INVS: variants seen among roughly 807,000 people sequenced by gnomAD.
The protein encoded by INVS is inversion of embryo turning homolog.
In INVS, 86 loss-of-function variants were observed where a neutral mutation model predicts 108.8. The ratio of observed to expected loss-of-function variants is 0.79; its 90% CI spans 0.66 to 0.95. INVS has a LOEUF of 0.95. INVS is among the 40% of genes least tolerant of loss of function. INVS has a pLI of 0.00. For missense variants in INVS, 1,169 were observed against 1,297.4 expected (o/e 0.90, Z 1.52); for synonymous variants, 455 against 473.5 (o/e 0.96, Z 0.51).
chr9:100,260,246 G>A (rs1211301555), intron 10 of INVS, among the ~76,000 whole-genome samples: 8 of 138,438 alleles, frequency 5.8e-5, no homozygotes, highest in African/African-American at 2.2e-4. Flanking sequence ...CTGGAGTGCA[G>A]TGGCACAACC....
intron 16 of INVS, among the ~76,000 whole-genome samples, chr9:100,298,617 C>A (rs142765051): frequency 3.9e-5 from 5 of 126,654 alleles, no homozygotes; most frequent in African/African-American, 8.9e-5. Context: ...CACGCTCCCC[C>A]CTGCCTCCTC....
intron 2 of INVS, among the ~76,000 whole-genome samples, chr9:100,109,462 G>GT (rs1311385072): frequency 6.6e-6 from 1 of 152,140 alleles, no homozygotes; most frequent in South Asian, 2.1e-4. Flanking sequence ...AATATTGTGG[G>GT]TTTTTTGTGA....
At chr9:100,277,801 T>C (rs1833155008) in intron 12 of INVS, among the ~76,000 whole-genome samples, 2 of 152,224 alleles carry the variant, frequency 1.3e-5, no homozygotes, top group South Asian at 4.1e-4. Flanking sequence ...GAGATAAAAA[T>C]CTGACAAACC....
At chr9:100,258,289 T>C (rs1311760877) in intron 10 of INVS, among the ~76,000 whole-genome samples, 1 of 152,230 alleles carries the variant, frequency 6.6e-6, no homozygotes, top group East Asian at 1.9e-4. Flanking sequence ...CTTTTTATTC[T>C]AGTTAGCCAT....
rs1290723802 is a variant in INVS at position 100,100,635 on chromosome 9, ATATT to A, written c.-25+1220_-25+1223del. Among the ~76,000 whole-genome samples, 3 of 74,286 alleles carry A rather than the reference ATATT, an allele frequency of 4.0e-5. 1 individual carries two copies. Among genetic ancestry groups the A allele is most frequent in the African/African-American group, 1.4e-4 (2 of 13,950 alleles). The allele number at this position is 74,286 out of a possible 152,430, so 48.7% of individuals were successfully genotyped here. A position where few individuals can be genotyped will look rare whatever the true frequency, so the allele number is the denominator to read the frequency against. ...TATAATATATGTATATATAATATAT[ATATT>A]ATATATGTATATATAATATATATAT... On this transcript the variant is annotated intron_variant, in intron 1 of 16. Coordinates refer to ENST00000262457, the MANE Select transcript of INVS (RefSeq NM_014425.5).
At position 100,290,903 on chromosome 9, in the gene INVS, A is replaced by G. The variant is rs141421434; in HGVS notation, c.2069-1423A>G. 5.1e-3 allele frequency among the ~76,000 whole-genome samples: 775 copies of G among 152,002 alleles called. 7 individuals carry two copies. The highest frequency in any genetic ancestry group is 0.018 in the African/African-American group (726 of 41,458). ...TTGTTTTTTTGTTTTATTTTTAGAA[A>G]TGGGGTCTCACTATGTTGTCCCGGC... On this transcript the variant is annotated intron_variant, in intron 13 of 16. Coordinates refer to ENST00000262457, the MANE Select transcript of INVS (RefSeq NM_014425.5).
chr9:100,225,731 T>C lies in INVS; in HGVS notation c.274-331T>C, dbSNP rs184993825. Among the ~76,000 whole-genome samples, 537 of 149,164 alleles carry C rather than the reference T, an allele frequency of 3.6e-3. 5 individuals carry two copies. The highest frequency in any genetic ancestry group is 0.013 in the African/African-American group (512 of 38,898). On this transcript the variant is annotated intron_variant, in intron 3 of 16. Transcript: ENST00000262457. ...AAGAAAAAAAATGTGAAAAAAGATG[T>C]ACAGTGAAGCATTTACTACAAAAAA...
intron 3 of INVS, among the ~76,000 whole-genome samples, chr9:100,173,557 G>T (rs138537442): frequency 6.6e-6 from 1 of 151,924 alleles, no homozygotes; most frequent in Non-Finnish European, 1.5e-5. Context: ...GTGAAACCCC[G>T]TCTCTACTAA....
rs192213876 is a variant in INVS at position 100,273,219 on chromosome 9, T to G, written c.1784+143T>G. On this transcript the variant is annotated intron_variant, in intron 12 of 16. Transcript: ENST00000262457. ...GGTCCCTGCAACCGGTCATCTTCCC[T>G]CTTCTCAGCACTCCGTCTTCTGGAA... is the stretch of plus-strand genomic sequence containing the variant. 1,590 of 719,938 alleles carry G rather than the reference T, an allele frequency of 2.2e-3. 5 individuals are homozygous for G. Among genetic ancestry groups the G allele is most frequent in the Middle Eastern group, 4.4e-3 (12 of 2,752 alleles). The allele number at this position is 719,938 out of a possible 1,614,324, so 44.6% of individuals were successfully genotyped here. A position where few individuals can be genotyped will look rare whatever the true frequency, so the allele number is the denominator to read the frequency against.
chr9:100,174,242 G>A (rs1373112781), intron 3 of INVS, among the ~76,000 whole-genome samples: 1 of 152,126 alleles, frequency 6.6e-6, no homozygotes, highest in African/African-American at 2.4e-5. Flanking sequence ...TAAACAGATA[G>A]GATGTCTTGC....
Position 100,293,023 on chromosome 9 carries a change from C to A in INVS, c.2766C>A (p.Val922=), listed in dbSNP as rs1188698508. The A allele has an allele frequency of 6.2e-7, 1 of 1,613,928 alleles. No individual in the cohort carries two copies. The part of the protein sequence containing the change: ...LFRKKNKAAA[V]IQRAWRSYQL... ...GCAAAAAGAACAAGGCAGCAGCAGT[C>A]ATCCAGCGCGCCTGGCGAAGGTAGG... The change falls in exon 14 of 17, where the codon GTC becomes GTA. Residue 922 remains valine, a synonymous_variant. Transcript: ENST00000262457.
At chr9:100,169,457 C>G (rs1191012116) in intron 3 of INVS, among the ~76,000 whole-genome samples, 3 of 152,076 alleles carry the variant, frequency 2.0e-5, no homozygotes, top group African/African-American at 7.2e-5. Context: ...ACTACCTCTG[C>G]AAGGCCAAGT....
At chr9:100,299,675 C>T (rs1263107940) in intron 16 of INVS, among the ~76,000 whole-genome samples, 3 of 104,616 alleles carry the variant, frequency 2.9e-5, no homozygotes, top group African/African-American at 1.3e-4. Flanking sequence ...CACACACACA[C>T]ACACACCTGG....
chr9:100,279,599 AC>A (rs1430542396), intron 12 of INVS, among the ~76,000 whole-genome samples: 1 of 152,248 alleles, frequency 6.6e-6, no homozygotes. Flanking sequence ...TGAGAAAGTT[AC>A]AAATATTGAT....
intron 16 of INVS, among the ~76,000 whole-genome samples, chr9:100,299,635 GAC>G (rs10530240): frequency 0.077 from 10,089 of 131,490 alleles, 416 homozygotes; most frequent in Non-Finnish European, 0.089. Flanking sequence ...GCCTTTTATT[GAC>G]ACACACACAC....
chr9:100,256,130 G>A (rs1408277428), intron 10 of INVS, among the ~76,000 whole-genome samples: 1 of 152,066 alleles, frequency 6.6e-6, no homozygotes. Flanking sequence ...ACTTCTTCCT[G>A]GTTTAGTCTT....
chr9:100,256,035 A>G (rs777376249), intron 10 of INVS, among the ~76,000 whole-genome samples: 32 of 152,162 alleles, frequency 2.1e-4, no homozygotes, highest in African/African-American at 6.3e-4. Context: ...CTGTGAATCC[A>G]TCTGGTCCTG....
At chr9:100,246,897 T>C in intron 8 of INVS, 110 bp downstream of exon 8, 1 of 1,026,892 alleles carries the variant, frequency 9.7e-7, no homozygotes, top group Admixed American at 1.7e-5. Flanking sequence ...TAATCTAATA[T>C]TGTTTGACTT....
chr9:100,106,549 T>C (rs1827188758), intron 2 of INVS, among the ~76,000 whole-genome samples: 1 of 152,204 alleles, frequency 6.6e-6, no homozygotes, highest in Non-Finnish European at 1.5e-5. Context: ...TATTTCATTC[T>C]CATAATATTG....
Sources: allele counts gnomAD v4.1 joint callset (sites outside exome capture counted in the v4.1 genomes callset), GRCh38; gene constraint gnomAD v4.1.1; transcripts MANE v1.5; gene names NCBI Gene and HGNC (gene_info 2026-07-23, HGNC 2026-07-21).